The following NDST4 variants were observed in gnomAD, a reference collection of about 807,000 sequenced individuals.
NDST4 encodes the protein N-deacetylase and N-sulfotransferase 4, also known as N-heparan sulfate sulfotransferase 4.
In NDST4, 63 loss-of-function variants were observed where a neutral mutation model predicts 100.8. That is an observed-to-expected ratio of 0.62 (90% CI 0.51 to 0.77). NDST4 has a LOEUF of 0.77. Ranked by LOEUF, NDST4 falls within the 30% of genes least tolerant of loss-of-function variation. The pLI, the probability that NDST4 is intolerant of heterozygous loss-of-function variation, is 0.00. For missense variants in NDST4, 943 were observed against 1,018.4 expected (o/e 0.93, Z 1.01); for synonymous variants, 377 against 361.8 (o/e 1.04, Z -0.48).
At chr4:114,877,838 G>A (rs966457867) in intron 6 of NDST4, among the ~76,000 whole-genome samples, 2 of 152,030 alleles carry the variant, frequency 1.3e-5, no homozygotes, top group African/African-American at 4.8e-5. Flanking sequence ...TGTATTCCCA[G>A]CTACTCAGGA....
At position 115,113,606 on chromosome 4, in the gene NDST4, C is replaced by G. The variant is rs1164234753; in HGVS notation, c.-409G>C. ...AATATTCCAAGAGCACTCTCTAGCTCCAGTCTTAGTGTCTGAACTCTTCCA... is the reference window on the plus strand; with the variant it reads ...AATATTCCAAGAGCACTCTCTAGCTGCAGTCTTAGTGTCTGAACTCTTCCA... On this transcript the variant is annotated 5_prime_UTR_variant, in exon 1 of 14. Transcript: ENST00000264363. 2 of 152,070 alleles carry G rather than the reference C, an allele frequency of 1.3e-5. No homozygotes were observed. The highest frequency in any genetic ancestry group is 3.9e-4 in the East Asian group (2 of 5,148). The allele number at this position is 152,070 out of a possible 1,614,324, so 9.4% of individuals were successfully genotyped here.
chr4:115,071,181 T>C (rs1013874167), intron 2 of NDST4, among the ~76,000 whole-genome samples: 6 of 151,866 alleles, frequency 4.0e-5, no homozygotes, highest in Non-Finnish European at 8.8e-5. Flanking sequence ...TTCAATACAT[T>C]AATATTCTTT....
At position 115,111,090 on chromosome 4, in the gene NDST4, A is replaced by G. The variant is rs542340410; in HGVS notation, c.-247+2354T>C. 3.3e-5 allele frequency among the ~76,000 whole-genome samples: 5 copies of G among 152,070 alleles called. No individual in the cohort carries two copies. In the South Asian group the frequency reaches 8.3e-4, roughly 25 times the overall value. The stretch of plus-strand genomic sequence containing the variant: ...CTCCCTTAGTAATTGCTTGTAAATG[A>G]TGCACACAAAGTTTGATCTTTGGAT... On this transcript the variant is annotated intron_variant, in intron 1 of 13. Coordinates refer to ENST00000264363, the MANE Select transcript of NDST4 (RefSeq NM_022569.3).
At chr4:114,869,280 A>G (rs1034953415) in intron 7 of NDST4, among the ~76,000 whole-genome samples, 3 of 151,896 alleles carry the variant, frequency 2.0e-5, no homozygotes, top group African/African-American at 7.2e-5. Context: ...TTCTACAGAT[A>G]GAGGAAGAGT....
chr4:114,859,223 A>G (rs771954331), intron 7 of NDST4, among the ~76,000 whole-genome samples: 7 of 152,216 alleles, frequency 4.6e-5, no homozygotes, highest in Non-Finnish European at 1.0e-4. Context: ...CACTGCTGCT[A>G]CTTCCTCCAG....
intron 2 of NDST4, among the ~76,000 whole-genome samples, chr4:115,033,724 C>T (rs576001828): frequency 6.6e-6 from 1 of 152,116 alleles, no homozygotes; most frequent in East Asian, 1.9e-4. Context: ...CCATTAGTGG[C>T]AGGTTGGTTG....
intron 6 of NDST4, among the ~76,000 whole-genome samples, chr4:114,908,208 C>G (rs1450538665): frequency 6.6e-6 from 1 of 151,980 alleles, no homozygotes; most frequent in Non-Finnish European, 1.5e-5. Flanking sequence ...TGCTATCATA[C>G]TAAGTTAAAA....
chr4:114,854,948 A>G (rs1018903222), intron 7 of NDST4, among the ~76,000 whole-genome samples: 4 of 152,096 alleles, frequency 2.6e-5, no homozygotes, highest in Non-Finnish European at 5.9e-5. Flanking sequence ...ATTTGTTATT[A>G]CTTGTCTTTT....
At chr4:115,075,913 G>A (rs570239875) in intron 2 of NDST4, 146 bp downstream of exon 2, 3 of 909,918 alleles carry the variant, frequency 3.3e-6, no homozygotes, top group Non-Finnish European at 3.2e-6. Context: ...GTTAAGTCTT[G>A]GTTCAATATT....
chr4:114,959,978 G>A (rs1477828129), intron 4 of NDST4, among the ~76,000 whole-genome samples: 1 of 152,122 alleles, frequency 6.6e-6, no homozygotes, highest in African/African-American at 2.4e-5. Flanking sequence ...AAATCCATAT[G>A]CAGATATATC....
chr4:114,828,055 T>G (rs1351832001), intron 13 of NDST4, 120 bp from the exon 14 acceptor site: 1 of 877,580 alleles, frequency 1.1e-6, no homozygotes, highest in Non-Finnish European at 1.6e-6. Flanking sequence ...CATATTATAT[T>G]TCTTGTATTT....
intron 4 of NDST4, among the ~76,000 whole-genome samples, chr4:114,945,941 G>T (rs547702989): frequency 2.0e-5 from 3 of 152,038 alleles, no homozygotes; most frequent in Non-Finnish European, 4.4e-5. Flanking sequence ...TCTCTGGAGG[G>T]CTCTGTGTTA....
intron 6 of NDST4, among the ~76,000 whole-genome samples, chr4:114,892,551 T>G (rs375602271): frequency 6.6e-6 from 1 of 152,064 alleles, no homozygotes. Context: ...CACTTAAGTT[T>G]TTACCATAAT....
intron 2 of NDST4, among the ~76,000 whole-genome samples, chr4:115,075,438 C>A (rs1729157343): frequency 6.6e-6 from 1 of 152,018 alleles, no homozygotes; most frequent in Non-Finnish European, 1.5e-5. Flanking sequence ...GCAGCATGTA[C>A]TATAATAAGG....
intron 12 of NDST4, among the ~76,000 whole-genome samples, chr4:114,833,026 C>T (rs116063220): frequency 1.4e-3 from 209 of 152,260 alleles, no homozygotes; most frequent in African/African-American, 4.6e-3. Flanking sequence ...GAAGACAAGC[C>T]ATCCTTCTGT....
intron 2 of NDST4, among the ~76,000 whole-genome samples, chr4:115,068,371 C>G (rs1728996738): frequency 6.6e-6 from 1 of 152,114 alleles, no homozygotes; most frequent in Non-Finnish European, 1.5e-5. Context: ...GAAGGAAAAT[C>G]AAACCAAATA....
intron 2 of NDST4, among the ~76,000 whole-genome samples, chr4:115,052,801 T>G (rs1209312204): frequency 6.6e-6 from 1 of 152,100 alleles, no homozygotes; most frequent in Non-Finnish European, 1.5e-5. Flanking sequence ...ATTCAGTTAA[T>G]TCTAGAAACA....
At chr4:114,875,068 G>A (rs185109872) in intron 6 of NDST4, among the ~76,000 whole-genome samples, 6 of 152,236 alleles carry the variant, frequency 3.9e-5, no homozygotes, top group Admixed American at 3.3e-4. Flanking sequence ...AAAAGGACAG[G>A]AAAGGAAATC....
rs1723380837 is a variant in NDST4, at chr4:114,839,466, T to G, written c.2198A>C (p.Asp733Ala). 6.2e-7 allele frequency: 1 copy of G among 1,613,890 alleles called. No individual in the cohort carries two copies. The highest frequency in any genetic ancestry group is 8.5e-7 in the Non-Finnish European group (1 of 1,179,938). The change falls in exon 11 of 14, where the codon GAC (aspartate) becomes GCC (alanine). Residue 733 changes from aspartate (D) to alanine (A), a missense_variant. Coordinates refer to ENST00000264363, the MANE Select transcript of NDST4 (RefSeq NM_022569.3). ...VISTGHWAPS[D>A]LKTLQRRCLV... ...GCATCTTCTCTGCAAAGTTTTTAAGTCAGATGGAGCCCAATGTCCTGTTGA... is the reference window on the plus strand; with the variant it reads ...GCATCTTCTCTGCAAAGTTTTTAAGGCAGATGGAGCCCAATGTCCTGTTGA...
Sources: allele counts gnomAD v4.1 joint callset (sites outside exome capture counted in the v4.1 genomes callset), GRCh38; gene constraint gnomAD v4.1.1; transcripts MANE v1.5; gene names NCBI Gene and HGNC (gene_info 2026-07-23, HGNC 2026-07-21).